Variants in ARHGAP26 observed in about 807,000 individuals in gnomAD.
ARHGAP26 encodes rho GTPase-activating protein 26.
Under a neutral mutation model 104.8 loss-of-function variants are expected in ARHGAP26, and 38 were observed. The ratio of observed to expected loss-of-function variants is 0.36; its 90% CI spans 0.28 to 0.48. The LOEUF is 0.48. Among genes scored for constraint, ARHGAP26 ranks in the 20% least tolerant of loss-of-function variants. The pLI is 0.99. For synonymous variants in ARHGAP26, 341 were observed against 340.0 expected (o/e 1.00, Z -0.03); for missense variants, 704 against 947.9 (o/e 0.74, Z 3.38).
intron 17 of ARHGAP26, among the ~76,000 whole-genome samples, chr5:143,111,459 G>A (rs999788780): frequency 2.0e-5 from 3 of 152,160 alleles, no homozygotes; most frequent in African/African-American, 7.2e-5. Context: ...CTCCATTTGG[G>A]ATATTAATGG....
intron 20 of ARHGAP26, chr5:143,194,014 T>TG (rs1806389866): frequency 6.6e-6 from 1 of 152,194 alleles, no homozygotes; most frequent in African/African-American, 2.4e-5. Flanking sequence ...CTGACCACTG[T>TG]GGCCAGCCTG....
rs550002282 is a variant in ARHGAP26, at chr5:142,848,161, G to A, written c.155-25239G>A. On this transcript the variant is annotated intron_variant, in intron 1 of 22. Transcript: ENST00000645722. ...AGTTGATTTCTGCCCACAGTGAGAC[G>A]TGGAATTCTTTCATTTGTATTGCAA... Among the ~76,000 whole-genome samples the A allele has an allele frequency of 7.9e-5, 12 of 152,330 alleles. 1 individual carries two copies. The highest frequency in any genetic ancestry group is 2.4e-4 in the African/African-American group (10 of 41,578).
At chr5:143,167,646 G>C (rs555698298) in intron 20 of ARHGAP26, among the ~76,000 whole-genome samples, 1 of 152,234 alleles carries the variant, frequency 6.6e-6, no homozygotes, top group South Asian at 2.1e-4. Flanking sequence ...GTAATAGTAT[G>C]GGGGCAAGCG....
At position 143,228,169 on chromosome 5, in the gene ARHGAP26, T is replaced by C. The variant is rs531523392; in HGVS notation, c.*5723T>C. 95 of 225,914 alleles carry C rather than the reference T, an allele frequency of 4.2e-4. No homozygotes were observed. Among genetic ancestry groups the C allele is most frequent in the Non-Finnish European group, 7.6e-4 (86 of 113,528 alleles). 14.0% of individuals were successfully genotyped at this position (225,914 alleles called of 1,614,324 possible). On this transcript the variant is annotated 3_prime_UTR_variant, in exon 23 of 23. Coordinates refer to ENST00000645722, the MANE Select transcript of ARHGAP26 (RefSeq NM_001135608.3). ...TCCAGACACCTAAAAGCAGCTTTCT[T>C]GGTTATCCAGATGCCAGAATCAACC...
chr5:143,153,404 A>G (rs1385042940), intron 20 of ARHGAP26, among the ~76,000 whole-genome samples: 1 of 152,122 alleles, frequency 6.6e-6, no homozygotes, highest in Non-Finnish European at 1.5e-5. Flanking sequence ...GGGTCGTTCA[A>G]TGGGTGCTTA....
rs114137830 is a variant in ARHGAP26 at position 143,079,225 on chromosome 5, T to A, written c.1538+21478T>A. ...GGAGGGCACAAAGGATCTATAGAGT[T>A]GGGCAACCAAACAAGTTAGGTGGAG... On this transcript the variant is annotated intron_variant, in intron 17 of 22. Coordinates refer to ENST00000645722, the MANE Select transcript of ARHGAP26 (RefSeq NM_001135608.3). Among the ~76,000 whole-genome samples, 785 of 152,354 alleles carry A rather than the reference T, an allele frequency of 5.2e-3. 6 individuals carry two copies. The highest frequency in any genetic ancestry group is 0.018 in the African/African-American group (759 of 41,588).
chr5:142,997,625 C>T (rs1018239855), intron 11 of ARHGAP26, among the ~76,000 whole-genome samples: 7 of 151,036 alleles, frequency 4.6e-5, no homozygotes, highest in African/African-American at 1.7e-4. Context: ...ACCATGTTGC[C>T]CAGGCTGGTC....
intron 13 of ARHGAP26, among the ~76,000 whole-genome samples, chr5:143,041,011 T>G (rs142522691): frequency 4.3e-4 from 66 of 152,330 alleles, no homozygotes; most frequent in African/African-American, 1.4e-3. Flanking sequence ...GGTTGAAGAA[T>G]GGACATCAGA....
chr5:142,782,825 G>A (rs1482131674), intron 1 of ARHGAP26, among the ~76,000 whole-genome samples: 1 of 152,188 alleles, frequency 6.6e-6, no homozygotes, highest in East Asian at 1.9e-4. Context: ...GTGTAAGCAG[G>A]CCTGTGGTAA....
At chr5:143,188,132 A>G (rs1805421752) in intron 20 of ARHGAP26, among the ~76,000 whole-genome samples, 1 of 152,266 alleles carries the variant, frequency 6.6e-6, no homozygotes, top group Non-Finnish European at 1.5e-5. Context: ...AGAGCCAAAA[A>G]GAATAATAAA....
intron 11 of ARHGAP26, among the ~76,000 whole-genome samples, chr5:142,989,456 G>A (rs900320109): frequency 1.2e-4 from 18 of 152,090 alleles, no homozygotes; most frequent in African/African-American, 4.3e-4. Context: ...CTTTTAATTG[G>A]AGCATTTAGC....
At chr5:142,835,048 A>G (rs1769279290) in intron 1 of ARHGAP26, among the ~76,000 whole-genome samples, 2 of 152,162 alleles carry the variant, frequency 1.3e-5, no homozygotes, top group South Asian at 4.1e-4. Flanking sequence ...CTAGTAGGGG[A>G]TGTATTGTCT....
At chr5:142,773,838 C>G (rs1755750153) in intron 1 of ARHGAP26, among the ~76,000 whole-genome samples, 2 of 152,130 alleles carry the variant, frequency 1.3e-5, no homozygotes, top group South Asian at 4.1e-4. Flanking sequence ...AAAACCTGTT[C>G]TTGGTGTGAT....
chr5:142,771,156 C>G, intron 1 of ARHGAP26: 1 of 1,288,732 alleles, frequency 7.8e-7, no homozygotes, highest in Non-Finnish European at 9.8e-7. Flanking sequence ...TGACCCAGCG[C>G]GGGTGGTGCT....
intron 1 of ARHGAP26, among the ~76,000 whole-genome samples, chr5:142,826,653 A>T (rs550843427): frequency 6.6e-6 from 1 of 152,256 alleles, no homozygotes; most frequent in South Asian, 2.1e-4. Context: ...GGTGGGAGGT[A>T]CAGGGCCTTC....
intron 11 of ARHGAP26, among the ~76,000 whole-genome samples, chr5:143,009,371 C>G (rs1340406409): frequency 6.6e-6 from 1 of 152,188 alleles, no homozygotes; most frequent in Non-Finnish European, 1.5e-5. Flanking sequence ...TGGTTAAGTG[C>G]TTGGGCTCTG....
chr5:142,793,027 C>T (rs984265973), intron 1 of ARHGAP26, among the ~76,000 whole-genome samples: 1 of 152,114 alleles, frequency 6.6e-6, no homozygotes, highest in Non-Finnish European at 1.5e-5. Flanking sequence ...TCCCCCTAGG[C>T]ATCAGGGGCT....
At chr5:143,135,284 A>G (rs1487247077) in intron 19 of ARHGAP26, among the ~76,000 whole-genome samples, 6 of 152,096 alleles carry the variant, frequency 3.9e-5, no homozygotes, top group African/African-American at 1.4e-4. Context: ...GATGCTTTCT[A>G]TTTCATGGGG....
chr5:143,158,433 CT>C (rs1800775069), intron 20 of ARHGAP26, among the ~76,000 whole-genome samples: 1 of 152,144 alleles, frequency 6.6e-6, no homozygotes, highest in African/African-American at 2.4e-5. Flanking sequence ...CAACTGGAAA[CT>C]ACGCTGATTA....
Sources: gnomAD v4.1 joint callset for allele counts (sites outside exome capture counted in the v4.1 genomes callset) on GRCh38, gnomAD v4.1.1 for gene constraint, MANE v1.5 for transcripts, NCBI Gene and HGNC (gene_info 2026-07-23, HGNC 2026-07-21) for gene names.